Variants in IL7 observed in about 807,000 individuals in gnomAD.
IL7 encodes interleukin 7.
In IL7, 3 loss-of-function variants were observed where a neutral mutation model predicts 21.6. The ratio of observed to expected loss-of-function variants is 0.14; its 90% confidence interval spans 0.06 to 0.36. The LOEUF is 0.36. Ranked by LOEUF, IL7 falls within the 10% of genes least tolerant of loss-of-function variation. The pLI is 1.00. For missense variants in IL7, 175 were observed against 200.2 expected (o/e 0.87, Z 0.76); for synonymous variants, 62 against 68.1 (o/e 0.91, Z 0.44).
In IL7 at chr8:78,761,764, C is replaced by T. The variant is rs961600487; in HGVS notation, c.148-21682G>A. ...AAAACAACGTGTTAACTGCTGTTGT[C>T]TCAAACCGCTTTCTCAGAACCTCTT... On this transcript the variant is annotated intron_variant, in intron 2 of 5. Coordinates refer to ENST00000263851, the MANE Select transcript of IL7 (RefSeq NM_000880.4). The T allele has an allele frequency of 5.0e-6, 8 of 1,611,880 alleles. No individual in the cohort carries two copies. The African/African-American group carries it at 1.1e-4, about 22-fold the overall frequency.
At chr8:78,675,060 C>CT (rs1333505519), downstream of IL7, among the ~76,000 whole-genome samples, 2 of 150,826 alleles carry the variant, frequency 1.3e-5, no homozygotes, top group African/African-American at 4.9e-5. Context: ...AATGCAGTTT[C>CT]TTTTTTTGTA....
intron 2 of IL7, among the ~76,000 whole-genome samples, chr8:78,764,884 A>G (rs1812704781): frequency 6.6e-6 from 1 of 152,108 alleles, no homozygotes. Flanking sequence ...TCAATATTGA[A>G]AGAAAAGAGC....
intron 4 of IL7, chr8:78,678,479 A>G: frequency 1.0e-6 from 1 of 979,574 alleles, no homozygotes; most frequent in Non-Finnish European, 1.5e-6. Flanking sequence ...CAGATTTTTA[A>G]ACTGGTCTCA....
At chr8:78,675,085 CT>C (rs1444645117), downstream of IL7, among the ~76,000 whole-genome samples, 2 of 149,670 alleles carry the variant, frequency 1.3e-5, no homozygotes, top group Non-Finnish European at 3.0e-5. Context: ...CTTTTTTTTT[CT>C]TTTTAGTAAT....
intron 2 of IL7, among the ~76,000 whole-genome samples, chr8:78,754,571 C>T (rs566983900): frequency 3.0e-4 from 46 of 152,132 alleles, no homozygotes; most frequent in African/African-American, 1.1e-3. Flanking sequence ...AAAAAGAGCC[C>T]GTATAGCCAA....
chr8:78,689,042 T>TG (rs1810119839), intron 3 of IL7, among the ~76,000 whole-genome samples: 1 of 151,776 alleles, frequency 6.6e-6, no homozygotes, highest in Admixed American at 6.6e-5. Flanking sequence ...GACTTTTTTT[T>TG]TTTTTAACTC....
At chr8:78,716,072 A>AGTTC (rs1811091489), downstream of IL7, among the ~76,000 whole-genome samples, 1 of 149,520 alleles carries the variant, frequency 6.7e-6, no homozygotes, top group South Asian at 2.1e-4. Flanking sequence ...TATAGTGTAT[A>AGTTC]GTTCATCTAG....
intron 3 of IL7, among the ~76,000 whole-genome samples, chr8:78,705,226 T>G (rs541209058): frequency 1.1e-4 from 16 of 152,336 alleles, no homozygotes; most frequent in African/African-American, 3.8e-4. Flanking sequence ...AGCATACTTG[T>G]GCTGATTCTT....
intron 2 of IL7, among the ~76,000 whole-genome samples, chr8:78,743,012 AG>A (rs1347891711): frequency 8.5e-5 from 13 of 152,210 alleles, no homozygotes; most frequent in Non-Finnish European, 1.3e-4. Flanking sequence ...TAGTTTGCTA[AG>A]GATAATGGCC....
chr8:78,687,154 T>A (rs566877262), intron 3 of IL7, among the ~76,000 whole-genome samples: 31 of 152,164 alleles, frequency 2.0e-4, no homozygotes, highest in African/African-American at 7.2e-4. Flanking sequence ...TTTTGCAACC[T>A]TGTATGAGAT....
intron 3 of IL7, among the ~76,000 whole-genome samples, chr8:78,688,741 A>G (rs1002618732): frequency 2.0e-5 from 3 of 152,130 alleles, no homozygotes; most frequent in African/African-American, 7.2e-5. Context: ...TTAAGAGAAA[A>G]TAGCACTTTA....
chr8:78,743,278 T>C (rs940711487), intron 2 of IL7, among the ~76,000 whole-genome samples: 2 of 152,232 alleles, frequency 1.3e-5, no homozygotes, highest in African/African-American at 2.4e-5. Flanking sequence ...CTGGGTTGAA[T>C]AGTATATCTG....
chr8:78,752,239 G>C (rs1316201121), intron 2 of IL7, among the ~76,000 whole-genome samples: 1 of 152,168 alleles, frequency 6.6e-6, no homozygotes, highest in Non-Finnish European at 1.5e-5. Context: ...TAAACATTAA[G>C]TTACAGGTGT....
intron 2 of IL7, among the ~76,000 whole-genome samples, chr8:78,797,479 G>C (rs185555491): frequency 6.6e-6 from 1 of 151,300 alleles, no homozygotes; most frequent in East Asian, 1.9e-4. Flanking sequence ...AAACAGTGCA[G>C]AGAGAGAGAG....
At chr8:78,697,552 T>C (rs1810465111) in intron 3 of IL7, 1 of 1,450,760 alleles carries the variant, frequency 6.9e-7, no homozygotes, top group South Asian at 1.2e-5. Flanking sequence ...GAAACCATGT[T>C]GGCAGAGCAG....
At chr8:78,695,264 C>T (rs934790550) in intron 3 of IL7, among the ~76,000 whole-genome samples, 1 of 152,028 alleles carries the variant, frequency 6.6e-6, no homozygotes, top group African/African-American at 2.4e-5. Flanking sequence ...AGTGGGAAGT[C>T]TTATATAGAG....
At chr8:78,762,227 A>T in intron 2 of IL7, 2 of 1,578,024 alleles carry the variant, frequency 1.3e-6, no homozygotes, top group South Asian at 1.1e-5. Context: ...AGTTCTACAG[A>T]TCATAGAGGT....
chr8:78,796,153 A>T (rs573066938), intron 2 of IL7, among the ~76,000 whole-genome samples: 1 of 152,202 alleles, frequency 6.6e-6, no homozygotes, highest in Admixed American at 6.6e-5. Context: ...TGCAGATGAC[A>T]TGATTGTCTA....
chr8:78,700,599 G>A (rs1171713998), intron 3 of IL7, among the ~76,000 whole-genome samples: 3 of 152,044 alleles, frequency 2.0e-5, no homozygotes, highest in Admixed American at 1.3e-4. Flanking sequence ...GCCCTGAATG[G>A]TATTGGCTAG....
Sources: gnomAD v4.1 joint callset for allele counts (sites outside exome capture counted in the v4.1 genomes callset) on GRCh38, gnomAD v4.1.1 for gene constraint, MANE v1.5 for transcripts, NCBI Gene and HGNC (gene_info 2026-07-23, HGNC 2026-07-21) for gene names.